Variants in NAGK observed in about 807,000 individuals in gnomAD.
The protein encoded by NAGK is N-acetylglucosamine kinase.
NAGK carries 35 observed loss-of-function variants against 42.9 expected under a neutral mutation model. The ratio of observed to expected loss-of-function variants is 0.82; its 90% CI spans 0.62 to 1.08. The LOEUF (loss-of-function observed/expected upper bound fraction) is 1.08, where lower values mean the gene tolerates loss of function less well. Ranked by LOEUF, NAGK falls within the 50% of genes least tolerant of loss-of-function variation. The probability of loss-of-function intolerance (pLI) is 0.00; values close to 1 mark genes in which losing one functional copy is unlikely to be tolerated. For synonymous variants in NAGK, 172 were observed against 176.0 expected (o/e 0.98, Z 0.18); for missense variants, 446 against 446.0 (o/e 1.00, Z 0.00).
intron 4 of NAGK, chr2:71,072,224 C>T (rs1316391022): frequency 1.2e-5 from 3 of 256,986 alleles, no homozygotes; most frequent in Non-Finnish European, 1.5e-5. Context: ...ACCATGTTGG[C>T]GAAGTTCCAA....
At chr2:71,078,223 C>T in intron 9 of NAGK, 95 bp from the exon 10 acceptor site, 8 of 1,273,262 alleles carry the variant, frequency 6.3e-6, no homozygotes, top group Non-Finnish European at 9.0e-6. Flanking sequence ...TACAGGAGTA[C>T]CTCAGGGTCT....
intron 6 of NAGK, among the ~76,000 whole-genome samples, chr2:71,073,837 A>G (rs1672118086): frequency 6.6e-6 from 1 of 152,168 alleles, no homozygotes; most frequent in Non-Finnish European, 1.5e-5. Flanking sequence ...GGGACAGGTG[A>G]TTAGCCAGAC....
chr2:71,072,827 C>G (rs761516783), intron 5 of NAGK, 76 bp downstream of exon 5: 1 of 1,369,138 alleles, frequency 7.3e-7, no homozygotes, highest in South Asian at 1.2e-5. Flanking sequence ...TCTCCTTAGC[C>G]TTGGCTCACT....
At chr2:71,076,725 TG>T in intron 8 of NAGK, 24 bp downstream of exon 8, 1 of 1,597,058 alleles carries the variant, frequency 6.3e-7, no homozygotes, top group Non-Finnish European at 8.6e-7. Flanking sequence ...GGAGTGAAGG[TG>T]GGGAGCTGCT....
rs141750673 is a variant in NAGK, at chr2:71,071,097, G to A, written c.213+258G>A. 804 of 480,044 alleles carry A rather than the reference G, an allele frequency of 1.7e-3. 7 individuals are homozygous for A. The highest frequency in any genetic ancestry group is 0.014 in the African/African-American group (720 of 51,404). 29.7% of individuals were successfully genotyped at this position (480,044 alleles called of 1,614,324 possible). On this transcript the variant is annotated intron_variant, in intron 3 of 9. Coordinates refer to ENST00000244204, the MANE Select transcript of NAGK (RefSeq NM_017567.6). ...CCCAGCTTTGCTGCTCAGTATCTGCGTAACCCTGTGTAGGTTACTCACCTT... is the reference window on the plus strand; with the variant it reads ...CCCAGCTTTGCTGCTCAGTATCTGCATAACCCTGTGTAGGTTACTCACCTT...
chr2:71,072,913 G>A, intron 5 of NAGK, 162 bp downstream of exon 5: 2 of 713,152 alleles, frequency 2.8e-6, no homozygotes, highest in Non-Finnish European at 5.0e-6. Flanking sequence ...AGATCATAGA[G>A]GTGCAAATGC....
At chr2:71,074,376 G>T (rs1460560594) in intron 6 of NAGK, among the ~76,000 whole-genome samples, 3 of 152,102 alleles carry the variant, frequency 2.0e-5, no homozygotes, top group African/African-American at 7.2e-5. Context: ...GGAATAGGAG[G>T]GGACCAGGAA....
At position 71,076,679 on chromosome 2, in the gene NAGK, C is replaced by T; in HGVS notation, c.743C>T (p.Ala248Val). The change falls in exon 8 of 10, where the codon GCA (alanine) becomes GTA (valine). Residue 248 changes from alanine (A) to valine (V), a missense_variant. By Grantham distance (64) the Ala-to-Val change is moderately conservative. Transcript: ENST00000244204. ...GAGATGCTGGGCAGACACATCGTAG[C>T]AGTGTTGCCCGAGATTGACCCGGTG... ...AGEMLGRHIV[A>V]VLPEIDPVLF... 6.2e-7 allele frequency: 1 copy of T among 1,613,776 alleles called. No individual in the cohort carries two copies. Among genetic ancestry groups the T allele is most frequent in the Non-Finnish European group, 8.5e-7 (1 of 1,179,790 alleles).
chr2:71,077,385 A>G, intron 8 of NAGK, 173 bp from the exon 9 acceptor site: 1 of 622,340 alleles, frequency 1.6e-6, no homozygotes, highest in Non-Finnish European at 2.9e-6. Flanking sequence ...CTTGCCCTTT[A>G]CAAATGTCTC....
intron 1 of NAGK, chr2:71,070,141 C>T (rs923511272): frequency 4.1e-6 from 1 of 243,460 alleles, no homozygotes; most frequent in Admixed American, 5.2e-5. Flanking sequence ...AGCGTCTGAA[C>T]ACACACTTCA....
chr2:71,077,608 G>A lies in NAGK; in HGVS notation c.816G>A (p.Val272=), dbSNP rs1043701. 0.097 allele frequency: 155,391 copies of A among 1,608,608 alleles called. 8,411 individuals are homozygous for A. Among genetic ancestry groups the A allele is most frequent in the Middle Eastern group, 0.12 (732 of 6,052 alleles). Residue 272 remains valine (V), a synonymous_variant, in exon 9 of 10, where the codon GTG becomes GTA. Coordinates refer to ENST00000244204, the MANE Select transcript of NAGK (RefSeq NM_017567.6). ...IGLPILCVGS[V]WKSWELLKEG... ...TCCCCATCCTGTGCGTGGGCTCTGT[G>A]TGGAAGAGCTGGGAGCTGCTGAAGG...
intron 4 of NAGK, 37 bp downstream of exon 4, chr2:71,071,864 GT>G (rs748181870): frequency 3.1e-6 from 5 of 1,609,522 alleles, no homozygotes; most frequent in African/African-American, 1.3e-5. Flanking sequence ...GTGAGAACTG[GT>G]TTTTTTGGGA....
At chr2:71,068,314 T>C (rs1671851693), upstream of NAGK, 2 of 491,074 alleles carry the variant, frequency 4.1e-6, no homozygotes, top group Admixed American at 4.5e-5. Context: ...GCCAGCAACT[T>C]CCGGGCGTTT....
intron 1 of NAGK, chr2:71,069,846 T>A (rs1419063696): frequency 6.4e-6 from 1 of 156,222 alleles, no homozygotes; most frequent in African/African-American, 2.4e-5. Flanking sequence ...TGAACTACTG[T>A]GACCCCCAGT....
At chr2:71,068,530 GCGCCC>G (rs1671867345), upstream of NAGK, 2 of 1,460,908 alleles carry the variant, frequency 1.4e-6, no homozygotes, top group East Asian at 3.0e-5. Context: ...GCTCCTACCG[GCGCCC>G]CGCCCCGCGC....
At position 71,077,646 on chromosome 2, in the gene NAGK, G is replaced by A. The variant is rs2302795; in HGVS notation, c.844+10G>A. On this transcript the variant is annotated intron_variant, in intron 9 of 9. Transcript: ENST00000244204. ...GAGCTGCTGAAGGAAGGTGAGCCTG[G>A]GGGGAGGCTGGAAGGGCAAGGGCAG... The A allele has an allele frequency of 5.0e-6, 8 of 1,598,268 alleles. No individual in the cohort carries two copies. The African/African-American group carries it at 8.0e-5, about 16-fold the overall frequency.
At chr2:71,076,991 T>C (rs1009473468) in intron 8 of NAGK, among the ~76,000 whole-genome samples, 1 of 152,058 alleles carries the variant, frequency 6.6e-6, no homozygotes, top group Non-Finnish European at 1.5e-5. Context: ...TGAGACACAG[T>C]CTCACTCTGT....
In NAGK at chr2:71,068,698, TG is replaced by T. The variant is rs763832481; in HGVS notation, c.20del (p.Gly7ValfsTer2). On this transcript the variant is annotated frameshift_variant, in exon 1 of 10. Transcript: ENST00000244204. LOFTEE classifies it high-confidence loss of function. ...GTAGCAGCAGCATGGCCGCGATCTA[TG>T]GGGGTGTAGAGGGGTGAGTGCGGCC... MAAIYGGVEGGGTRSE... is the reference protein window; with the variant it reads MAAIYXGVEGGGTRSE... 1 of 1,514,404 alleles carries T rather than the reference TG, an allele frequency of 6.6e-7. No homozygotes were observed. Among genetic ancestry groups the T allele is most frequent in the Non-Finnish European group, 8.8e-7 (1 of 1,131,912 alleles). 93.8% of individuals were successfully genotyped at this position (1,514,404 alleles called of 1,614,324 possible).
Position 71,078,815 on chromosome 2 carries a change from G to T in NAGK, c.*307G>T. ...ACTTGGGCAGATGATTTGTCTGTGT[G>T]CTACCCTTCCCCCCATATTACCATA... On this transcript the variant is annotated 3_prime_UTR_variant, in exon 10 of 10. Coordinates refer to ENST00000244204, the MANE Select transcript of NAGK (RefSeq NM_017567.6). 1 of 295,724 alleles carries T rather than the reference G, an allele frequency of 3.4e-6. No individual in the cohort carries two copies. Among genetic ancestry groups the T allele is most frequent in the South Asian group, 5.4e-5 (1 of 18,660 alleles). The allele number at this position is 295,724 out of a possible 1,614,324, so 18.3% of individuals were successfully genotyped here.
Sources: gnomAD v4.1 joint callset for allele counts (sites outside exome capture counted in the v4.1 genomes callset) on GRCh38, gnomAD v4.1.1 for gene constraint, MANE v1.5 for transcripts, NCBI Gene and HGNC (gene_info 2026-07-23, HGNC 2026-07-21) for gene names.